The following LRRN1 variants were observed in gnomAD, a reference collection of about 807,000 sequenced individuals.
LRRN1 encodes the protein leucine-rich repeat neuronal protein 1.
Under a neutral mutation model 45.8 loss-of-function variants are expected in LRRN1, and 14 were observed. The observed-to-expected ratio is 0.31, with a 90% CI of 0.20 to 0.48. The LOEUF is 0.48. Among genes scored for constraint, LRRN1 ranks in the 20% least tolerant of loss-of-function variants. The pLI is 0.99. For missense variants in LRRN1, 789 were observed against 874.2 expected, an observed-to-expected ratio of 0.90 and a Z score of 1.23; for synonymous variants, 359 against 330.1, an observed-to-expected ratio of 1.09 and a Z score of -0.95.
chr3:3,821,984 A>T (rs192030604), intron 1 of LRRN1, among the ~76,000 whole-genome samples: 4 of 152,318 alleles, frequency 2.6e-5, no homozygotes, highest in Admixed American at 2.0e-4. Context: ...GCATATTGAA[A>T]TATTGGCAAG....
intron 1 of LRRN1, among the ~76,000 whole-genome samples, chr3:3,827,673 A>G (rs1297830195): frequency 6.6e-6 from 1 of 152,210 alleles, no homozygotes; most frequent in Non-Finnish European, 1.5e-5. Context: ...CATTATCTAC[A>G]TGATATGGAT....
chr3:3,819,003 T>C (rs1432765694), intron 1 of LRRN1, among the ~76,000 whole-genome samples: 2 of 102,246 alleles, frequency 2.0e-5, no homozygotes, highest in Non-Finnish European at 3.9e-5. Context: ...TTTACTTTTA[T>C]TTTTTTTGAG....
intron 1 of LRRN1, among the ~76,000 whole-genome samples, chr3:3,833,635 G>A (rs1028987991): frequency 6.6e-6 from 1 of 152,094 alleles, no homozygotes; most frequent in African/African-American, 2.4e-5. Flanking sequence ...AAGCAAACAG[G>A]GGTATTAGGG....
rs767737269 is a variant in LRRN1 at position 3,844,406 on chromosome 3, C to T, written c.-236C>T. 12 of 449,458 alleles carry T rather than the reference C, an allele frequency of 2.7e-5. No individual in the cohort carries two copies. Among genetic ancestry groups the T allele is most frequent in the Admixed American group, 1.2e-4 (3 of 25,682 alleles). 27.8% of individuals were successfully genotyped at this position (449,458 alleles called of 1,614,324 possible). A position where few individuals can be genotyped will look rare whatever the true frequency, so the allele number is the denominator to read the frequency against. Reference sequence around the variant, plus strand: ...AATTTGGCTGAAATAATTCATGCCACGGACCTGTGCACATGCCTGGAATTG... The same window carrying T: ...AATTTGGCTGAAATAATTCATGCCATGGACCTGTGCACATGCCTGGAATTG... On this transcript the variant is annotated 5_prime_UTR_variant, in exon 2 of 2. In the 5' UTR this introduces an upstream ATG that the reference lacks. Transcript: ENST00000319331.
rs1160142613 is a variant in LRRN1 at position 3,804,751 on chromosome 3, TG to T, written c.-279+4834del. On this transcript the variant is annotated intron_variant, in intron 1 of 1. Coordinates refer to ENST00000319331, the MANE Select transcript of LRRN1 (RefSeq NM_020873.7). ...TCATTTGTGTATGAAACAGACACAC[TG>T]GTGGCATTTTTTGGTTACCATAGTT... Among the ~76,000 whole-genome samples the T allele has an allele frequency of 4.6e-5, 7 of 151,280 alleles. No homozygotes were observed. In the East Asian group the frequency reaches 1.4e-3, roughly 31 times the overall value.
chr3:3,829,077 G>A (rs1028546708), intron 1 of LRRN1, among the ~76,000 whole-genome samples: 1 of 150,940 alleles, frequency 6.6e-6, no homozygotes, highest in Non-Finnish European at 1.5e-5. Flanking sequence ...GGATTGGGCT[G>A]TTGTAGTTTT....
At chr3:3,815,445 A>G (rs1692967881) in intron 1 of LRRN1, among the ~76,000 whole-genome samples, 1 of 152,180 alleles carries the variant, frequency 6.6e-6, no homozygotes, top group Admixed American at 6.6e-5. Context: ...TCCTGTGGGC[A>G]TTTGGAATGG....
chr3:3,847,185 C>CTT lies in LRRN1; in HGVS notation c.*395_*396dup, dbSNP rs963740004. On this transcript the variant is annotated 3_prime_UTR_variant, in exon 2 of 2. Transcript: ENST00000319331. ...CTTCTGAAGCCATCCGTAGAAAGTA[C>CTT]TTTGTCCTCCAAAAAGCTAACATAC... 1.8e-5 allele frequency: 3 copies of CTT among 169,658 alleles called. No homozygotes were observed. The highest frequency in any genetic ancestry group is 7.2e-5 in the African/African-American group (3 of 41,510). 10.5% of individuals were successfully genotyped at this position (169,658 alleles called of 1,614,324 possible).
At chr3:3,821,242 T>C (rs112941985) in intron 1 of LRRN1, among the ~76,000 whole-genome samples, 2,581 of 152,270 alleles carry the variant, frequency 0.017, 63 homozygotes, top group African/African-American at 0.057. Context: ...TTCCAGTCAA[T>C]TGAAATAAAA....
At chr3:3,812,345 A>T (rs1332505207) in intron 1 of LRRN1, among the ~76,000 whole-genome samples, 1 of 152,188 alleles carries the variant, frequency 6.6e-6, no homozygotes, top group Non-Finnish European at 1.5e-5. Flanking sequence ...TAAAGAACTG[A>T]CACTTATTTA....
intron 1 of LRRN1, among the ~76,000 whole-genome samples, chr3:3,812,848 A>G (rs1005588523): frequency 8.1e-5 from 11 of 136,238 alleles, no homozygotes; most frequent in Non-Finnish European, 1.3e-4. Context: ...TAGCACCACA[A>G]GTTTGTGAAG....
chr3:3,825,316 G>A (rs779291167), intron 1 of LRRN1, among the ~76,000 whole-genome samples: 4 of 152,270 alleles, frequency 2.6e-5, no homozygotes, highest in Middle Eastern at 6.8e-3. Flanking sequence ...GACCAGCTGC[G>A]CCTTTGGGCT....
Position 3,845,842 on chromosome 3 carries a change from A to C in LRRN1, c.1201A>C (p.Met401Leu). The C allele has an allele frequency of 6.2e-7, 1 of 1,614,126 alleles. No individual in the cohort carries two copies. The highest frequency in any genetic ancestry group is 8.5e-7 in the Non-Finnish European group (1 of 1,180,008). Residue 401 changes from methionine to leucine, a missense_variant, in exon 2 of 2, where the codon ATG becomes CTG. Met to Leu is a conservative substitution (Grantham distance 15, BLOSUM62 2). Transcript: ENST00000319331. The surrounding 1 kb of genome is among the most constrained non-coding windows in gnomAD (Gnocchi z 6.5). The stretch of plus-strand genomic sequence containing the variant: ...GGAGCCCCTGTCCATGTTCTGTGCC[A>C]TGCCGCCCGAATATAAAGGGCACCA... ...FMEPLSMFCA[M>L]PPEYKGHQVK...
chr3:3,828,943 C>G (rs1693298144), intron 1 of LRRN1, among the ~76,000 whole-genome samples: 1 of 151,854 alleles, frequency 6.6e-6, no homozygotes, highest in South Asian at 2.1e-4. Flanking sequence ...ATTCTATATT[C>G]CCTTTGCCTT....
intron 1 of LRRN1, among the ~76,000 whole-genome samples, chr3:3,834,197 G>A (rs1011826628): frequency 1.3e-5 from 2 of 151,910 alleles, no homozygotes; most frequent in African/African-American, 4.8e-5. Flanking sequence ...CAACCAACCA[G>A]CTTCATTGTG....
intron 1 of LRRN1, among the ~76,000 whole-genome samples, chr3:3,819,899 A>T (rs1693068291): frequency 1.3e-5 from 2 of 152,198 alleles, no homozygotes; most frequent in South Asian, 4.1e-4. Context: ...TGAGGAAAGG[A>T]TGCTGACACT....
chr3:3,837,295 G>A (rs1447804653), intron 1 of LRRN1, among the ~76,000 whole-genome samples: 1 of 149,914 alleles, frequency 6.7e-6, no homozygotes, highest in Non-Finnish European at 1.5e-5. Context: ...AAGTCCTTGA[G>A]AGCATTTGGA....
chr3:3,818,366 T>G (rs575947915), intron 1 of LRRN1, among the ~76,000 whole-genome samples: 4 of 152,330 alleles, frequency 2.6e-5, no homozygotes, highest in African/African-American at 9.6e-5. Context: ...CACTTGCTGG[T>G]GCTGAAAAGG....
Position 3,845,082 on chromosome 3 carries a change from A to G in LRRN1, c.441A>G (p.Glu147=), listed in dbSNP as rs772709248. The G allele has an allele frequency of 6.2e-7, 1 of 1,614,096 alleles. No individual in the cohort carries two copies. Among genetic ancestry groups the G allele is most frequent in the Admixed American group, 1.7e-5 (1 of 60,006 alleles). The change falls in exon 2 of 2, where the codon GAA becomes GAG. Residue 147 remains glutamate (E), a synonymous_variant. Transcript: ENST00000319331. This position sits in a 1 kb window ranked among gnomAD's most constrained non-coding sequence, Gnocchi z 6.5. ...YCLQDLSNLQ[E]LYINHNQIST... ...TACAAGACCTCAGCAACCTTCAAGA[A>G]CTCTACATCAACCACAACCAAATTA...
Sources: gnomAD v4.1 joint callset for allele counts (sites outside exome capture counted in the v4.1 genomes callset) on GRCh38, gnomAD v4.1.1 for gene constraint, Gnocchi (gnomAD v3.1) non-coding constraint, MANE v1.5 for transcripts, NCBI Gene and HGNC (gene_info 2026-07-23, HGNC 2026-07-21) for gene names.